HECW2: variants seen among roughly 807,000 people sequenced by gnomAD.
HECW2 encodes HECT, C2 and WW domain containing E3 ubiquitin protein ligase 2, also known as E3 ubiquitin-protein ligase HECW2.
Under a neutral mutation model 175.2 loss-of-function variants are expected in HECW2, and 61 were observed. That is an observed-to-expected ratio of 0.35 (90% CI 0.28 to 0.43). HECW2 has a LOEUF of 0.43. Among genes scored for constraint, HECW2 ranks in the 20% least tolerant of loss-of-function variants. HECW2 has a pLI of 1.00. For synonymous variants in HECW2, 671 were observed against 731.0 expected (o/e 0.92, Z 1.32); for missense variants, 1,524 against 2,000.5 (o/e 0.76, Z 4.54).
At chr2:196,427,046 T>C (rs114784095) in intron 2 of HECW2, among the ~76,000 whole-genome samples, 1 of 152,144 alleles carries the variant, frequency 6.6e-6, no homozygotes, top group Non-Finnish European at 1.5e-5. Flanking sequence ...TAAAGTGTGG[T>C]CCAGAGAAAT....
rs187339623 is a variant in HECW2, at chr2:196,423,235, G to A, written c.292+9897C>T. Among the ~76,000 whole-genome samples, 212 of 152,122 alleles carry A rather than the reference G, an allele frequency of 1.4e-3. 1 individual carries two copies. The highest frequency in any genetic ancestry group is 2.3e-3 in the Non-Finnish European group (157 of 67,962). On this transcript the variant is annotated intron_variant, in intron 2 of 28. Transcript: ENST00000644978. ...TAACCTTACAATCTGCCCAAGCACTGTGCCGAGCATTTTATATGCAATATC... is the reference window on the plus strand; with the variant it reads ...TAACCTTACAATCTGCCCAAGCACTATGCCGAGCATTTTATATGCAATATC...
intron 1 of HECW2, among the ~76,000 whole-genome samples, chr2:196,455,037 A>ATTTT (rs758809824): frequency 2.1e-5 from 3 of 143,446 alleles, no homozygotes; most frequent in African/African-American, 7.6e-5. Context: ...CTTTTACTTA[A>ATTTT]TTTTTTTTTT....
chr2:196,547,435 A>G (rs1689461574), intron 1 of HECW2, among the ~76,000 whole-genome samples: 2 of 152,236 alleles, frequency 1.3e-5, no homozygotes, highest in African/African-American at 4.8e-5. Flanking sequence ...AATGCAAGGA[A>G]CACCTAAAAG....
intron 1 of HECW2, among the ~76,000 whole-genome samples, chr2:196,475,533 C>G (rs572550023): frequency 6.6e-4 from 100 of 152,264 alleles, no homozygotes; most frequent in Non-Finnish European, 1.0e-3. Flanking sequence ...AACTTCACCT[C>G]TTTTTCCCGA....
At chr2:196,501,162 A>T (rs1687566779) in intron 1 of HECW2, among the ~76,000 whole-genome samples, 1 of 152,244 alleles carries the variant, frequency 6.6e-6, no homozygotes, top group African/African-American at 2.4e-5. Flanking sequence ...TTAAATTATA[A>T]GTTATAAAAG....
intron 24 of HECW2, among the ~76,000 whole-genome samples, chr2:196,221,827 T>C (rs1161296497): frequency 6.6e-6 from 1 of 152,218 alleles, no homozygotes; most frequent in Admixed American, 6.5e-5. Flanking sequence ...CCCAAAGTGC[T>C]GGGATTACAG....
intron 2 of HECW2, among the ~76,000 whole-genome samples, chr2:196,378,897 A>C (rs1694124941): frequency 6.6e-6 from 1 of 152,232 alleles, no homozygotes; most frequent in Admixed American, 6.5e-5. Flanking sequence ...ATCACGAAGA[A>C]TGGGGCAGTC....
chr2:196,292,465 C>T (rs983669823), intron 14 of HECW2, 100 bp downstream of exon 14: 2 of 985,534 alleles, frequency 2.0e-6, no homozygotes, highest in African/African-American at 3.2e-5. Flanking sequence ...TTTCACCTCA[C>T]AAAGAGCCTT....
In HECW2 at chr2:196,201,261, G is replaced by C; in HGVS notation, c.*16C>G. ...TGAACCTGCCTGTCCACAGAGATGG[G>C]CATTCAGCTTCCAGGTCACTCAAGT... On this transcript the variant is annotated 3_prime_UTR_variant, in exon 29 of 29. Coordinates refer to ENST00000644978, the MANE Select transcript of HECW2 (RefSeq NM_001348768.2). The C allele has an allele frequency of 6.6e-7, 1 of 1,505,834 alleles. No individual in the cohort carries two copies. The highest frequency in any genetic ancestry group is 9.2e-7 in the Non-Finnish European group (1 of 1,081,534). 93.3% of individuals were successfully genotyped at this position (1,505,834 alleles called of 1,614,324 possible). A position where few individuals can be genotyped will look rare whatever the true frequency, so the allele number is the denominator to read the frequency against.
At chr2:196,320,065 T>A in intron 8 of HECW2, 161 bp from the exon 9 acceptor site, 1 of 749,774 alleles carries the variant, frequency 1.3e-6, no homozygotes, top group Non-Finnish European at 2.1e-6. Flanking sequence ...ATGAGGAGAC[T>A]GCTAGTCAGC....
intron 28 of HECW2, among the ~76,000 whole-genome samples, chr2:196,212,632 T>C (rs905697944): frequency 1.3e-5 from 2 of 152,218 alleles, no homozygotes; most frequent in Admixed American, 6.5e-5. Flanking sequence ...GTCTTTGCTA[T>C]TGTGAACAGA....
At chr2:196,561,724 A>C (rs530552499) in intron 1 of HECW2, among the ~76,000 whole-genome samples, 2 of 152,326 alleles carry the variant, frequency 1.3e-5, no homozygotes, top group African/African-American at 4.8e-5. Context: ...CCCCTAATAC[A>C]TACAATGACT....
At chr2:196,417,705 A>C (rs1443666666) in intron 2 of HECW2, among the ~76,000 whole-genome samples, 1 of 152,264 alleles carries the variant, frequency 6.6e-6, no homozygotes, top group Non-Finnish European at 1.5e-5. Context: ...ACATCGAGTC[A>C]TGTGCATAGC....
chr2:196,357,331 C>CGGG (rs142763766), intron 2 of HECW2, among the ~76,000 whole-genome samples: 1 of 146,240 alleles, frequency 6.8e-6, no homozygotes, highest in African/African-American at 2.5e-5. Flanking sequence ...GGGGCTTGGG[C>CGGG]GGGGGGGCGG....
chr2:196,358,576 A>G (rs1238738966), intron 2 of HECW2, among the ~76,000 whole-genome samples: 1 of 125,178 alleles, frequency 8.0e-6, no homozygotes, highest in African/African-American at 3.1e-5. Flanking sequence ...ACAGAGCAAG[A>G]CTCTGTCTCA....
chr2:196,414,323 G>A (rs1462444495), intron 2 of HECW2, among the ~76,000 whole-genome samples: 1 of 152,186 alleles, frequency 6.6e-6, no homozygotes, highest in Non-Finnish European at 1.5e-5. Context: ...ATCTGAGACT[G>A]AAACCCTACC....
At chr2:196,233,468 C>T (rs1268933550) in intron 21 of HECW2, among the ~76,000 whole-genome samples, 1 of 152,170 alleles carries the variant, frequency 6.6e-6, no homozygotes, top group African/African-American at 2.4e-5. Context: ...CTAATGAAAG[C>T]AGACTATAAA....
At chr2:196,261,798 A>G (rs947556391) in intron 17 of HECW2, among the ~76,000 whole-genome samples, 1 of 152,248 alleles carries the variant, frequency 6.6e-6, no homozygotes. Flanking sequence ...TTATATTTGT[A>G]CACATTTAAG....
intron 13 of HECW2, among the ~76,000 whole-genome samples, chr2:196,296,695 A>G (rs1271415774): frequency 6.6e-6 from 1 of 152,224 alleles, no homozygotes; most frequent in Non-Finnish European, 1.5e-5. Context: ...GGGAGGTGGA[A>G]GGAAGAGATT....
Sources: allele counts gnomAD v4.1 joint callset (sites outside exome capture counted in the v4.1 genomes callset), GRCh38; gene constraint gnomAD v4.1.1; transcripts MANE v1.5; gene names NCBI Gene and HGNC (gene_info 2026-07-23, HGNC 2026-07-21).